Variants in HSD17B12 observed in about 807,000 individuals in gnomAD.
The protein encoded by HSD17B12 is very-long-chain 3-oxoacyl-CoA reductase.
HSD17B12 carries 32 observed loss-of-function variants against 39.3 expected under a neutral mutation model. The ratio of observed to expected loss-of-function variants is 0.81; its 90% CI spans 0.61 to 1.09. HSD17B12 has a LOEUF of 1.09. Ranked by LOEUF, HSD17B12 falls within the 50% of genes least tolerant of loss-of-function variation. The probability of loss-of-function intolerance (pLI) is 0.00; values close to 1 mark genes in which losing one functional copy is unlikely to be tolerated. For missense variants in HSD17B12, 342 were observed against 382.9 expected, an observed-to-expected ratio of 0.89 and a Z score of 0.89; for synonymous variants, 150 against 146.7, an observed-to-expected ratio of 1.02 and a Z score of -0.16.
upstream of HSD17B12, among the ~76,000 whole-genome samples, chr11:43,678,489 T>G (rs1050204101): frequency 2.0e-5 from 3 of 152,256 alleles, no homozygotes; most frequent in Admixed American, 1.3e-4. Context: ...TTTGGTGCTT[T>G]AGACATGAAG....
chr11:43,688,589 T>TGCC (rs1411124985), intron 1 of HSD17B12, among the ~76,000 whole-genome samples: 1 of 152,252 alleles, frequency 6.6e-6, no homozygotes, highest in African/African-American at 2.4e-5. Flanking sequence ...AAGTTATCTT[T>TGCC]GCCACCATTT....
chr11:43,582,137 G>A, the HSD17B12 span, among the ~76,000 whole-genome samples: 1 of 152,176 alleles, frequency 6.6e-6, no homozygotes, highest in South Asian at 2.1e-4. Context: ...GCAGCCTCGG[G>A]TCTCCCACAT....
the HSD17B12 span, among the ~76,000 whole-genome samples, chr11:43,654,230 T>G: frequency 3.9e-5 from 6 of 152,236 alleles, no homozygotes; most frequent in East Asian, 3.8e-4. Flanking sequence ...TCGGCCACTT[T>G]TTGATGGGGT....
At chr11:43,590,557 C>T in the HSD17B12 span, among the ~76,000 whole-genome samples, 2 of 105,996 alleles carry the variant, frequency 1.9e-5, no homozygotes, top group African/African-American at 7.0e-5. Context: ...TCACCCAAGC[C>T]GGAGAGCTGC....
chr11:43,777,672 C>T (rs1261441803), intron 3 of HSD17B12, among the ~76,000 whole-genome samples: 1 of 152,178 alleles, frequency 6.6e-6, no homozygotes, highest in Non-Finnish European at 1.5e-5. Flanking sequence ...AGAGGGCATC[C>T]CTGTCTTGTG....
chr11:43,761,320 A>G (rs1950553226), intron 3 of HSD17B12, among the ~76,000 whole-genome samples: 1 of 152,348 alleles, frequency 6.6e-6, no homozygotes, highest in East Asian at 1.9e-4. Context: ...AGAACTCAAT[A>G]AAGGCATGTT....
At chr11:43,730,073 G>A (rs1950255101) in intron 1 of HSD17B12, among the ~76,000 whole-genome samples, 1 of 151,592 alleles carries the variant, frequency 6.6e-6, no homozygotes, top group South Asian at 2.1e-4. Flanking sequence ...GATAAGAGAA[G>A]TCATTACTTT....
At chr11:43,580,273 T>A in the HSD17B12 span, among the ~76,000 whole-genome samples, 6 of 151,248 alleles carry the variant, frequency 4.0e-5, no homozygotes, top group Non-Finnish European at 7.4e-5. Flanking sequence ...CCTTTCTTCC[T>A]CCCGCAGAAG....
the HSD17B12 span, among the ~76,000 whole-genome samples, chr11:43,654,151 G>A: frequency 1.3e-5 from 2 of 152,078 alleles, no homozygotes; most frequent in African/African-American, 4.8e-5. Flanking sequence ...GCCAGTGATG[G>A]TGAGCATTTT....
At chr11:43,658,895 G>A in the HSD17B12 span, among the ~76,000 whole-genome samples, 4 of 152,282 alleles carry the variant, frequency 2.6e-5, no homozygotes, top group African/African-American at 9.6e-5. Flanking sequence ...CTGCGTGCTG[G>A]GAGAACCACT....
rs1449023720 is a variant in HSD17B12, at chr11:43,734,368, G to GA, written c.161-16538dup. On this transcript the variant is annotated intron_variant, in intron 1 of 10. Transcript: ENST00000278353. The stretch of plus-strand genomic sequence containing the variant: ...CTGTGGTGGAAAAGGCTGAGCAGAG[G>GA]AAAAAGGCGGCCATCATCTCTGCTG... 5.6e-6 allele frequency: 5 copies of GA among 898,976 alleles called. No individual in the cohort carries two copies. In the South Asian group the frequency reaches 6.6e-5, roughly 12 times the overall value. 55.7% of individuals were successfully genotyped at this position (898,976 alleles called of 1,614,324 possible). A position where few individuals can be genotyped will look rare whatever the true frequency, so the allele number is the denominator to read the frequency against.
intron 9 of HSD17B12, chr11:43,852,480 T>A (rs1007517444): frequency 4.0e-5 from 6 of 151,830 alleles, no homozygotes; most frequent in African/African-American, 1.4e-4. Context: ...TAATCTTCAC[T>A]ATTTTGTGAC....
At chr11:43,557,866 C>G in the HSD17B12 span, among the ~76,000 whole-genome samples, 1 of 151,340 alleles carries the variant, frequency 6.6e-6, no homozygotes, top group African/African-American at 2.4e-5. Flanking sequence ...GGTGCTGTAA[C>G]GGGGGGGAGC....
At chr11:43,807,134 A>G (rs553599821) in intron 4 of HSD17B12, among the ~76,000 whole-genome samples, 1 of 152,284 alleles carries the variant, frequency 6.6e-6, no homozygotes, top group South Asian at 2.1e-4. Context: ...TCAACCGTAT[A>G]CTAATTCATT....
the HSD17B12 span, among the ~76,000 whole-genome samples, chr11:43,618,461 A>G: frequency 2.0e-4 from 30 of 152,214 alleles, no homozygotes; most frequent in Admixed American, 2.0e-3. Flanking sequence ...CACTCTGTAT[A>G]TGAAAGATAT....
intron 3 of HSD17B12, among the ~76,000 whole-genome samples, chr11:43,784,776 G>T (rs1950800375): frequency 6.6e-6 from 1 of 152,118 alleles, no homozygotes; most frequent in South Asian, 2.1e-4. Context: ...AAAGACTTAG[G>T]ATTAAACCTG....
At chr11:43,676,112 A>G (rs1235734747), upstream of HSD17B12, among the ~76,000 whole-genome samples, 1 of 152,024 alleles carries the variant, frequency 6.6e-6, no homozygotes, top group Non-Finnish European at 1.5e-5. Context: ...GAAAAAAAAG[A>G]AAAGAAAGAG....
chr11:43,703,634 GT>G (rs1949987580), intron 1 of HSD17B12, among the ~76,000 whole-genome samples: 1 of 151,922 alleles, frequency 6.6e-6, no homozygotes, highest in African/African-American at 2.4e-5. Flanking sequence ...TTTTTTTCTG[GT>G]TCTATCTTGG....
At chr11:43,656,417 C>A in the HSD17B12 span, among the ~76,000 whole-genome samples, 1 of 152,058 alleles carries the variant, frequency 6.6e-6, no homozygotes, top group African/African-American at 2.4e-5. Flanking sequence ...CTGCTCTGAT[C>A]TTAGTTATTT....
Sources: allele counts gnomAD v4.1 joint callset (sites outside exome capture counted in the v4.1 genomes callset), GRCh38; gene constraint gnomAD v4.1.1; transcripts MANE v1.5; gene names NCBI Gene and HGNC (gene_info 2026-07-23, HGNC 2026-07-21).